The following DMD variants were observed in gnomAD, a reference collection of about 807,000 sequenced individuals.
DMD encodes the protein dystrophin.
A neutral mutation model predicts 330.1 loss-of-function variants in DMD; 63 were observed. That is an observed-to-expected ratio of 0.19 (90% CI 0.16 to 0.24). The LOEUF is 0.24. Among genes scored for constraint, DMD ranks in the 10% least tolerant of loss-of-function variants. The pLI is 1.00. For missense variants in DMD, 3,344 were observed against 2,684.1 expected (o/e 1.25, Z -5.43); for synonymous variants, 1,223 against 959.8 (o/e 1.27, Z -5.07).
intron 52 of DMD, among the ~76,000 whole-genome samples, chrX:31,711,973 C>T (rs1254759085): frequency 1.8e-5 from 2 of 110,833 alleles, no homozygotes; most frequent in Non-Finnish European, 3.8e-5. Flanking sequence ...TATACATATA[C>T]TATAACGGCA....
intron 44 of DMD, among the ~76,000 whole-genome samples, chrX:31,983,834 A>C (rs2095492568): frequency 8.9e-6 from 1 of 112,004 alleles, no homozygotes; most frequent in Admixed American, 9.5e-5. Context: ...GTATGAGGTC[A>C]GAAAAATGTG....
chrX:31,918,191 G>A (rs936034635), intron 47 of DMD, among the ~76,000 whole-genome samples: 6 of 112,307 alleles, frequency 5.3e-5, no homozygotes, highest in African/African-American at 1.6e-4. Flanking sequence ...TTAACTCCTC[G>A]TAATAAAGTA....
At chrX:31,901,266 G>A (rs2094417936) in intron 47 of DMD, among the ~76,000 whole-genome samples, 1 of 111,523 alleles carries the variant, frequency 9.0e-6, no homozygotes, top group Non-Finnish European at 1.9e-5. Flanking sequence ...TCAAACTCTT[G>A]CCCAAACATA....
At chrX:31,163,327 C>G (rs1269629052) in intron 74 of DMD, among the ~76,000 whole-genome samples, 2 of 111,709 alleles carry the variant, frequency 1.8e-5, no homozygotes, top group African/African-American at 6.5e-5. Context: ...CACATGCTCT[C>G]TTGCCTGCCA....
intron 1 of DMD, among the ~76,000 whole-genome samples, chrX:33,140,695 C>A (rs1280959813): frequency 8.9e-6 from 1 of 112,145 alleles, no homozygotes; most frequent in Non-Finnish European, 1.9e-5. Context: ...GATAAACACC[C>A]AGGACTTCAT....
At chrX:32,617,998 G>A (rs1307281488) in intron 11 of DMD, among the ~76,000 whole-genome samples, 1 of 111,405 alleles carries the variant, frequency 9.0e-6, no homozygotes, top group Non-Finnish European at 1.9e-5. Flanking sequence ...TCTGGGAAAT[G>A]CAAATTAAAA....
intron 55 of DMD, among the ~76,000 whole-genome samples, chrX:31,537,374 C>G (rs184130814): frequency 2.7e-5 from 3 of 111,740 alleles, no homozygotes; most frequent in East Asian, 5.6e-4. Context: ...CCTGGGTTCA[C>G]TCCTAGGCCC....
chrX:31,215,056 C>T (rs1235220776), intron 64 of DMD, among the ~76,000 whole-genome samples: 1 of 101,383 alleles, frequency 9.9e-6, no homozygotes, highest in Non-Finnish European at 2.0e-5. Context: ...ATTCTCCTGC[C>T]TCAGACTCCC....
At chrX:32,524,937 C>G (rs1246526978) in intron 17 of DMD, among the ~76,000 whole-genome samples, 1 of 111,938 alleles carries the variant, frequency 8.9e-6, no homozygotes, top group East Asian at 2.8e-4. Context: ...AGCGTTTTGT[C>G]TAAGGAAAAT....
chrX:31,812,165 T>C (rs933650227), intron 50 of DMD, among the ~76,000 whole-genome samples: 2 of 110,085 alleles, frequency 1.8e-5, no homozygotes, highest in Admixed American at 9.8e-5. Context: ...AATGGAATGC[T>C]TTATTTAACT....
intron 77 of DMD, 44 bp from the exon 78 acceptor site, chrX:31,126,717 A>G (rs201194091): frequency 3.1e-6 from 3 of 977,644 alleles, no homozygotes; most frequent in Non-Finnish European, 4.2e-6. Context: ...TCAGAAAGGG[A>G]AAAAAAACAT....
chrX:32,560,386 T>G (rs1245678711), intron 16 of DMD, among the ~76,000 whole-genome samples: 2 of 111,185 alleles, frequency 1.8e-5, no homozygotes, highest in African/African-American at 6.5e-5. Flanking sequence ...AAGTAATGCT[T>G]CAAATCACAT....
intron 43 of DMD, among the ~76,000 whole-genome samples, chrX:32,227,186 TTATTTA>T (rs983293592): frequency 3.1e-5 from 3 of 98,042 alleles, no homozygotes; most frequent in Non-Finnish European, 6.1e-5. Flanking sequence ...ACATATTCTT[TTATTTA>T]TATGTGTGTG....
intron 7 of DMD, among the ~76,000 whole-genome samples, chrX:32,725,404 G>A (rs920282709): frequency 9.0e-6 from 1 of 110,577 alleles, no homozygotes; most frequent in Admixed American, 9.7e-5. Context: ...CATCTTTAAT[G>A]ACCGCCTATA....
intron 2 of DMD, among the ~76,000 whole-genome samples, chrX:32,983,331 C>A (rs2092754078): frequency 9.0e-6 from 1 of 111,254 alleles, no homozygotes; most frequent in Non-Finnish European, 1.9e-5. Context: ...ACTACTTCTT[C>A]AGGCTTCACT....
At chrX:32,473,024 C>G (rs188044748) in intron 21 of DMD, among the ~76,000 whole-genome samples, 1 of 110,347 alleles carries the variant, frequency 9.1e-6, no homozygotes, top group Admixed American at 9.8e-5. Context: ...TATGTATATA[C>G]AAACAAGTTT....
At chrX:32,880,950 A>T (rs1447726162) in intron 2 of DMD, among the ~76,000 whole-genome samples, 1 of 113,064 alleles carries the variant, frequency 8.8e-6, no homozygotes, top group African/African-American at 3.2e-5. Context: ...ATCTCAAAAA[A>T]AAGAAAAAGA....
chrX:33,017,773 A>T (rs935357250), intron 2 of DMD, among the ~76,000 whole-genome samples: 18 of 111,290 alleles, frequency 1.6e-4, no homozygotes, highest in African/African-American at 5.5e-4. Flanking sequence ...CACTGAGCCC[A>T]CTCAGTTCTA....
At chrX:33,174,266 G>A (rs866409862) in intron 1 of DMD, among the ~76,000 whole-genome samples, 2 of 110,485 alleles carry the variant, frequency 1.8e-5, no homozygotes, top group Middle Eastern at 4.2e-3. Flanking sequence ...CTACAGTAAA[G>A]GATGGTGATG....
Sources: allele counts gnomAD v4.1 joint callset (sites outside exome capture counted in the v4.1 genomes callset), GRCh38; gene constraint gnomAD v4.1.1; transcripts MANE v1.5; gene names NCBI Gene and HGNC (gene_info 2026-07-23, HGNC 2026-07-21).